RAB27B: variants seen among roughly 807,000 people sequenced by gnomAD.
RAB27B encodes the protein RAB27B, member RAS oncogene family, also known as ras-related protein Rab-27B.
In RAB27B, 15 loss-of-function variants were observed where a neutral mutation model predicts 24.6. The observed-to-expected ratio is 0.61, with a 90% CI of 0.41 to 0.94. The LOEUF is 0.94. Among genes scored for constraint, RAB27B ranks in the 40% least tolerant of loss-of-function variants. The probability of loss-of-function intolerance (pLI) is 0.00; values close to 1 mark genes in which losing one functional copy is unlikely to be tolerated. For missense variants in RAB27B, 261 were observed against 266.8 expected (o/e 0.98, Z 0.15); for synonymous variants, 105 against 92.5 (o/e 1.14, Z -0.78).
rs11151999 is a variant in RAB27B, at chr18:54,804,877, T to C, written c.-19-72690T>C. Among the ~76,000 whole-genome samples the C allele has an allele frequency of 5.5e-3, 239 of 43,664 alleles. 4 individuals are homozygous for C. Among genetic ancestry groups the C allele is most frequent in the Middle Eastern group, 0.019 (2 of 108 alleles). 28.6% of individuals were successfully genotyped at this position (43,664 alleles called of 152,430 possible). On this transcript the variant is annotated intron_variant, in intron 2 of 4. Transcript: ENST00000586570. ...CCTTCCTTCCTTTCTTTTTTTCTTT[T>C]TTCTTTCTTTCTTTCTCTTTCTCTC... is the stretch of plus-strand genomic sequence containing the variant.
chr18:54,734,404 G>T (rs890399637), intron 2 of RAB27B, among the ~76,000 whole-genome samples: 9 of 152,086 alleles, frequency 5.9e-5, no homozygotes, highest in Non-Finnish European at 7.4e-5. Flanking sequence ...ACCAATTCTA[G>T]CCTATAACTT....
intron 5 of RAB27B, among the ~76,000 whole-genome samples, chr18:54,888,762 A>G (rs1288122020): frequency 6.6e-6 from 1 of 152,212 alleles, no homozygotes; most frequent in East Asian, 1.9e-4. Context: ...TACAATTTAC[A>G]CGTCTTTCTT....
chr18:54,884,530 A>T, intron 4 of RAB27B, 94 bp downstream of exon 4: 1 of 773,962 alleles, frequency 1.3e-6, no homozygotes, highest in East Asian at 2.5e-5. Flanking sequence ...ATTGGGTACC[A>T]CAGATTAACT....
At chr18:54,863,838 A>G (rs1482529700) in intron 1 of RAB27B, among the ~76,000 whole-genome samples, 1 of 152,208 alleles carries the variant, frequency 6.6e-6, no homozygotes, top group Non-Finnish European at 1.5e-5. Context: ...TGTTGTATGT[A>G]TAAGCACTTC....
chr18:54,778,811 T>A (rs1568062406), intron 2 of RAB27B, among the ~76,000 whole-genome samples: 1 of 151,980 alleles, frequency 6.6e-6, no homozygotes, highest in Non-Finnish European at 1.5e-5. Flanking sequence ...TAACCTAGAA[T>A]CTCTTTCTCT....
At position 54,782,247 on chromosome 18, in the gene RAB27B, C is replaced by T. The variant is rs899228502; in HGVS notation, c.-20+64106C>T. ...AACAGAATAGTAATATAAAGCCAAC[C>T]TGATATATCATTTTCGTGTCCTGTT... is the stretch of plus-strand genomic sequence containing the variant. On this transcript the variant is annotated intron_variant, in intron 2 of 4. Transcript: ENST00000586570. 3.3e-5 allele frequency among the ~76,000 whole-genome samples: 5 copies of T among 152,156 alleles called. No individual in the cohort carries two copies. The South Asian group carries it at 1.0e-3, about 32-fold the overall frequency.
At chr18:54,886,529 A>C (rs998019652) in intron 4 of RAB27B, among the ~76,000 whole-genome samples, 4 of 152,128 alleles carry the variant, frequency 2.6e-5, no homozygotes, top group African/African-American at 9.7e-5. Context: ...GGGGAAACAA[A>C]TTCTGACTTT....
At chr18:54,860,072 T>C (rs1020357601) in intron 1 of RAB27B, among the ~76,000 whole-genome samples, 1 of 152,208 alleles carries the variant, frequency 6.6e-6, no homozygotes, top group Non-Finnish European at 1.5e-5. Flanking sequence ...GTGTTTTTGT[T>C]ACATTGGGTA....
chr18:54,774,631 C>G (rs1908658916), intron 2 of RAB27B, among the ~76,000 whole-genome samples: 1 of 152,216 alleles, frequency 6.6e-6, no homozygotes, highest in Non-Finnish European at 1.5e-5. Flanking sequence ...ATAGCTAAGT[C>G]TTTCATAAAC....
At chr18:54,769,054 C>A (rs972393339) in intron 2 of RAB27B, among the ~76,000 whole-genome samples, 1 of 152,154 alleles carries the variant, frequency 6.6e-6, no homozygotes, top group South Asian at 2.1e-4. Flanking sequence ...AAAGTCTTAA[C>A]TCATTGCAGC....
chr18:54,737,413 A>G (rs1909928702), intron 2 of RAB27B, among the ~76,000 whole-genome samples: 1 of 151,556 alleles, frequency 6.6e-6, no homozygotes, highest in Non-Finnish European at 1.5e-5. Flanking sequence ...CCTAAATAAC[A>G]TTAAATTTGA....
At chr18:54,771,557 CA>C (rs1908549401) in intron 2 of RAB27B, among the ~76,000 whole-genome samples, 1 of 150,440 alleles carries the variant, frequency 6.6e-6, no homozygotes. Context: ...GTTGGAAGTA[CA>C]AAATGGTATT....
chr18:54,830,851 A>G (rs1261451912), intron 1 of RAB27B, among the ~76,000 whole-genome samples: 2 of 152,204 alleles, frequency 1.3e-5, no homozygotes, highest in Non-Finnish European at 1.5e-5. Context: ...AAGGAGAGTA[A>G]CACTCTGTTT....
chr18:54,762,133 T>C (rs1355663280), intron 2 of RAB27B, among the ~76,000 whole-genome samples: 1 of 152,154 alleles, frequency 6.6e-6, no homozygotes. Flanking sequence ...CCTATGAACC[T>C]CCTCAAGAAT....
At chr18:54,778,107 G>A (rs1048031315) in intron 2 of RAB27B, among the ~76,000 whole-genome samples, 11 of 152,128 alleles carry the variant, frequency 7.2e-5, no homozygotes, top group South Asian at 2.1e-4. Flanking sequence ...TGTTGACCTG[G>A]CAATTTCCTT....
intron 2 of RAB27B, among the ~76,000 whole-genome samples, chr18:54,802,567 T>G (rs1359758247): frequency 6.6e-6 from 1 of 152,234 alleles, no homozygotes. Flanking sequence ...CTGAAATCTT[T>G]CAAGGTTTCT....
intron 2 of RAB27B, among the ~76,000 whole-genome samples, chr18:54,807,120 C>T (rs912093930): frequency 3.9e-5 from 6 of 152,092 alleles, no homozygotes; most frequent in African/African-American, 9.7e-5. Flanking sequence ...AGGATGGTCT[C>T]AATCTCTTGA....
chr18:54,889,216 T>A lies in RAB27B; in HGVS notation c.468-8T>A. On this transcript the variant is annotated splice_polypyrimidine_tract_variant and splice_region_variant and intron_variant, in intron 5 of 5. Transcript: ENST00000262094. ...TCTCAAAAATATTTGCCATCCTTTC[T>A]ATGCTAGCATACCATATTTTGAAAC... 1 of 1,598,366 alleles carries A rather than the reference T, an allele frequency of 6.3e-7. No homozygotes were observed. The highest frequency in any genetic ancestry group is 8.5e-7 in the Non-Finnish European group (1 of 1,173,682).
chr18:54,826,380 T>C (rs1240473775), upstream of RAB27B, among the ~76,000 whole-genome samples: 2 of 152,212 alleles, frequency 1.3e-5, no homozygotes, highest in Non-Finnish European at 2.9e-5. Context: ...GTGGCCTTCA[T>C]GGAGTGGCCA....
Sources: gnomAD v4.1 joint callset for allele counts (sites outside exome capture counted in the v4.1 genomes callset) on GRCh38, gnomAD v4.1.1 for gene constraint, MANE v1.5 for transcripts, NCBI Gene and HGNC (gene_info 2026-07-23, HGNC 2026-07-21) for gene names.